PEAR1: variants seen among roughly 807,000 people sequenced by gnomAD.
The protein encoded by PEAR1 is platelet endothelial aggregation receptor 1, also known as multiple EGF-like domains protein 12.
Under a neutral mutation model 131.2 loss-of-function variants are expected in PEAR1, and 113 were observed. The ratio of observed to expected loss-of-function variants is 0.86; its 90% CI spans 0.74 to 1.01. PEAR1 has a LOEUF of 1.01. Ranked by LOEUF, PEAR1 falls within the 50% of genes least tolerant of loss-of-function variation. The probability of loss-of-function intolerance (pLI) is 0.00; values close to 1 mark genes in which losing one functional copy is unlikely to be tolerated. For synonymous variants in PEAR1, 565 were observed against 523.3 expected (o/e 1.08, Z -1.09); for missense variants, 1,408 against 1,391.1 (o/e 1.01, Z -0.19).
chr1:156,900,759 G>A (rs1355479493), intron 1 of PEAR1, among the ~76,000 whole-genome samples: 2 of 152,156 alleles, frequency 1.3e-5, no homozygotes, highest in African/African-American at 4.8e-5. Context: ...TGCATGAGAA[G>A]AAGCAAGCCT....
At chr1:156,905,108 C>T in intron 3 of PEAR1, 3 of 1,300,908 alleles carry the variant, frequency 2.3e-6, no homozygotes, top group South Asian at 1.3e-5. Flanking sequence ...AGGGAATGCT[C>T]TTTCTTTTTT....
At chr1:156,900,607 A>C (rs1173873792) in intron 1 of PEAR1, among the ~76,000 whole-genome samples, 2 of 152,138 alleles carry the variant, frequency 1.3e-5, no homozygotes, top group African/African-American at 4.8e-5. Context: ...TGATCCACGT[A>C]AATCTCTCAA....
rs377395700 is a variant in PEAR1, at chr1:156,908,842, C to T, written c.1290+13C>T. 102 of 1,605,400 alleles carry T rather than the reference C, an allele frequency of 6.4e-5. No homozygotes were observed. Among genetic ancestry groups the T allele is most frequent in the Non-Finnish European group, 8.6e-5 (101 of 1,177,946 alleles). ...GCCGGGTTACACGGTGAGGCGCGCC[C>T]GGCTGCAAGGAAGCGAGGCAGGTGG... On this transcript the variant is annotated intron_variant, in intron 10 of 22. Transcript: ENST00000292357. This position sits in a 1 kb window ranked among gnomAD's most constrained non-coding sequence, Gnocchi z 4.2.
At chr1:156,895,908 G>T (rs892134370) in intron 1 of PEAR1, among the ~76,000 whole-genome samples, 33 of 150,748 alleles carry the variant, frequency 2.2e-4, no homozygotes, top group African/African-American at 7.6e-4. Flanking sequence ...TAATGAGATT[G>T]CATCCCTACA....
intron 1 of PEAR1, among the ~76,000 whole-genome samples, chr1:156,895,044 C>T (rs1382980070): frequency 2.6e-5 from 4 of 152,350 alleles, no homozygotes; most frequent in South Asian, 2.1e-4. Context: ...TGTGTGGCCT[C>T]TCCCACTCTT....
rs767278901 is a variant in PEAR1, at chr1:156,914,076, G to A, written c.2938G>A (p.Glu980Lys). ...GCCACAGAGAGACAGTGGCACCTAC[G>A]AGCAGCCCAGCCCCCTGATCCATGG... is the stretch of plus-strand genomic sequence containing the variant. ...PQPQRDSGTYEQPSPLIHDRD... is the reference protein window; with the variant it reads ...PQPQRDSGTYKQPSPLIHDRD... The change falls in exon 22 of 23, where the codon GAG (glutamate) becomes AAG (lysine). Residue 980 changes from glutamate (E) to lysine (K), a missense_variant. Physicochemically the swap from Glu to Lys is moderately conservative, Grantham distance 56. Coordinates refer to ENST00000292357, the MANE Select transcript of PEAR1 (RefSeq NM_001080471.3). 2.5e-5 allele frequency: 40 copies of A among 1,603,102 alleles called. No homozygotes were observed. Among genetic ancestry groups the A allele is most frequent in the Non-Finnish European group, 2.7e-5 (32 of 1,174,858 alleles).
In PEAR1 at chr1:156,905,399, C is replaced by A. The variant is rs1178659125; in HGVS notation, c.282C>A (p.Phe94Leu). 6.2e-7 allele frequency: 1 copy of A among 1,607,608 alleles called. No individual in the cohort carries two copies. Among genetic ancestry groups the A allele is most frequent in the Non-Finnish European group, 8.5e-7 (1 of 1,176,972 alleles). ...AGCGCCTGCAGTGCTGCCATGGCTT[C>A]TATGAGAGCAGGGGGTTCTGTGTCC... ...HRQRLQCCHG[F>L]YESRGFCVPL... The change falls in exon 4 of 23, where the codon TTC becomes TTA. Residue 94 changes from phenylalanine (F) to leucine (L), a missense_variant. Phe to Leu is a conservative substitution (Grantham distance 22). Transcript: ENST00000292357.
At chr1:156,907,522 G>A in intron 6 of PEAR1, 88 bp from the exon 7 acceptor site, 1 of 1,534,886 alleles carries the variant, frequency 6.5e-7, no homozygotes, top group African/African-American at 1.4e-5. Flanking sequence ...AAGTCCTGAG[G>A]TGGGGGTTGT....
In PEAR1 at chr1:156,915,030, A is replaced by G; in HGVS notation, c.*232A>G. 1.9e-6 allele frequency: 1 copy of G among 512,834 alleles called. No individual in the cohort carries two copies. The highest frequency in any genetic ancestry group is 3.2e-5 in the South Asian group (1 of 30,906). 31.8% of individuals were successfully genotyped at this position (512,834 alleles called of 1,614,324 possible). ...CCAACCCACTGCTCCCAAGGCCTCCAGGGCCCTGTGTACATAAACTGGTGG... is the reference window on the plus strand; with the variant it reads ...CCAACCCACTGCTCCCAAGGCCTCCGGGGCCCTGTGTACATAAACTGGTGG... On this transcript the variant is annotated 3_prime_UTR_variant, in exon 23 of 23. Coordinates refer to ENST00000292357, the MANE Select transcript of PEAR1 (RefSeq NM_001080471.3).
In PEAR1 at chr1:156,909,099, C is replaced by A. The variant is rs1650739578; in HGVS notation, c.1411+63C>A. 5 of 1,603,260 alleles carry A rather than the reference C, an allele frequency of 3.1e-6. No homozygotes were observed. In the East Asian group the frequency reaches 1.1e-4, roughly 36 times the overall value. On this transcript the variant is annotated intron_variant, in intron 11 of 22. Coordinates refer to ENST00000292357, the MANE Select transcript of PEAR1 (RefSeq NM_001080471.3). ...GATGGCCAAGGGAAGAAGGGAGAGT[C>A]CAAGAGTATGGGTGGGCCAAGGGCA...
rs368395377 is a variant in PEAR1, at chr1:156,913,348, T to C, written c.2512-43T>C. 3 of 1,605,052 alleles carry C rather than the reference T, an allele frequency of 1.9e-6. No homozygotes were observed. In the African/African-American group the frequency reaches 4.0e-5, roughly 22 times the overall value. ...ACAGACCAGCTTCTCTGGAAAGCCC[T>C]GTCCTTGCCTCTTGCTCTCCCTCCT... On this transcript the variant is annotated intron_variant, in intron 19 of 22. Coordinates refer to ENST00000292357, the MANE Select transcript of PEAR1 (RefSeq NM_001080471.3).
intron 3 of PEAR1, chr1:156,905,086 G>GA: frequency 3.7e-6 from 5 of 1,365,454 alleles, no homozygotes; most frequent in Non-Finnish European, 4.1e-6. Flanking sequence ...TGGGGTTGGG[G>GA]GGGGGGCAAG....
In PEAR1 at chr1:156,898,625, T is replaced by G. The variant is rs563011312; in HGVS notation, c.-10+4788T>G. 7.2e-5 allele frequency among the ~76,000 whole-genome samples: 11 copies of G among 152,160 alleles called. No homozygotes were observed. In the East Asian group the frequency reaches 1.9e-3, roughly 27 times the overall value. ...TCACTGCTGGGTGGGAAGGACTAAGTGATCCTGTCTCCATGGCAAAGATAG... is the reference window on the plus strand; with the variant it reads ...TCACTGCTGGGTGGGAAGGACTAAGGGATCCTGTCTCCATGGCAAAGATAG... On this transcript the variant is annotated intron_variant, in intron 1 of 22. Transcript: ENST00000292357.
rs746603817 is a variant in PEAR1, at chr1:156,909,891, G to A, written c.1552G>A (p.Ala518Thr). 2.5e-6 allele frequency: 4 copies of A among 1,608,632 alleles called. No individual in the cohort carries two copies. In the South Asian group the frequency reaches 3.3e-5, roughly 13 times the overall value. ...TACCTGCACCCCTGGGTGGCATGGGGCCCACTGCCAGCTGCCCTGTCCGGT... is the reference window on the plus strand; with the variant it reads ...TACCTGCACCCCTGGGTGGCATGGGACCCACTGCCAGCTGCCCTGTCCGGT... ...ACTCTPGWHG[A>T]HCQLPCPKGQ... Residue 518 changes from alanine to threonine, a missense_variant, in exon 12 of 23, where the codon GCC becomes ACC. Ala to Thr is a moderately conservative substitution (Grantham distance 58). Coordinates refer to ENST00000292357, the MANE Select transcript of PEAR1 (RefSeq NM_001080471.3).
chr1:156,913,717 C>T lies in PEAR1; in HGVS notation c.2670C>T (p.Tyr890=), dbSNP rs759137154. ...DRGSSRLDRS[Y]SYSYSNGPGP... is the part of the protein sequence containing the mutation. ...GGAGCAGCCGCCTGGACCGAAGCTA[C>T]AGCTATAGCTACAGCAATGGCCCAG... The change falls in exon 21 of 23, where the codon TAC becomes TAT. Residue 890 remains tyrosine (Y), a synonymous_variant. Coordinates refer to ENST00000292357, the MANE Select transcript of PEAR1 (RefSeq NM_001080471.3). 1 of 1,614,084 alleles carries T rather than the reference C, an allele frequency of 6.2e-7. No homozygotes were observed. The highest frequency in any genetic ancestry group is 2.2e-5 in the East Asian group (1 of 44,886).
rs1054417641 is a variant in PEAR1, at chr1:156,912,698, T to C, written c.2210-72T>C. 307 of 1,610,904 alleles carry C rather than the reference T, an allele frequency of 1.9e-4. 1 individual carries two copies. The highest frequency in any genetic ancestry group is 3.3e-4 in the Middle Eastern group (2 of 6,070). ...CCTAGGCCCCTCATACAGTCCCTAC[T>C]TCCCTCCTGAGCACCTCTCCCATGC... On this transcript the variant is annotated intron_variant, in intron 17 of 22. Coordinates refer to ENST00000292357, the MANE Select transcript of PEAR1 (RefSeq NM_001080471.3).
intron 1 of PEAR1, among the ~76,000 whole-genome samples, chr1:156,901,789 G>C (rs1277544570): frequency 6.6e-6 from 1 of 152,138 alleles, no homozygotes; most frequent in Admixed American, 6.5e-5. Context: ...CACTGAGGGA[G>C]AGGTGGAGAG....
intron 15 of PEAR1, 150 bp downstream of exon 15, chr1:156,910,893 T>C: frequency 8.5e-7 from 1 of 1,181,110 alleles, no homozygotes; most frequent in South Asian, 1.6e-5. Flanking sequence ...TGCTGGGTAC[T>C]GTTCTAGGTG....
At position 156,914,048 on chromosome 1, in the gene PEAR1, C is replaced by G. The variant is rs905081360; in HGVS notation, c.2910C>G (p.Pro970=). The change falls in exon 22 of 23, where the codon CCC becomes CCG. Residue 970 remains proline (P), a synonymous_variant. Transcript: ENST00000292357. ...QFWDSQRRRQ[P]QPQRDSGTYE... is the part of the protein sequence containing the mutation. The stretch of plus-strand genomic sequence containing the variant: ...GGGACAGCCAGAGGCGGCGGCAACC[C>G]CAGCCACAGAGAGACAGTGGCACCT... 1.9e-6 allele frequency: 3 copies of G among 1,608,756 alleles called. No individual in the cohort carries two copies. In the African/African-American group the frequency reaches 4.0e-5, roughly 22 times the overall value.
Sources: gnomAD v4.1 joint callset for allele counts (sites outside exome capture counted in the v4.1 genomes callset) on GRCh38, gnomAD v4.1.1 for gene constraint, Gnocchi (gnomAD v3.1) non-coding constraint, MANE v1.5 for transcripts, NCBI Gene and HGNC (gene_info 2026-07-23, HGNC 2026-07-21) for gene names.